The following PKHD1 variants were observed in gnomAD, a reference collection of about 807,000 sequenced individuals.
PKHD1 encodes the protein PKHD1 ciliary IPT domain containing fibrocystin/polyductin, also known as fibrocystin.
PKHD1 carries 291 observed loss-of-function variants against 412.0 expected under a neutral mutation model. The ratio of observed to expected loss-of-function variants is 0.71; its 90% CI spans 0.64 to 0.78. PKHD1 has a LOEUF of 0.78. Ranked by LOEUF, PKHD1 falls within the 30% of genes least tolerant of loss-of-function variation. The pLI, the probability that PKHD1 is intolerant of heterozygous loss-of-function variation, is 0.00. For synonymous variants in PKHD1, 1,777 were observed against 1,821.5 expected, an observed-to-expected ratio of 0.98 and a Z score of 0.62; for missense variants, 4,825 against 4,950.7, an observed-to-expected ratio of 0.97 and a Z score of 0.76.
At chr6:51,637,634 G>C (rs1186382137) in intron 64 of PKHD1, among the ~76,000 whole-genome samples, 1 of 151,702 alleles carries the variant, frequency 6.6e-6, no homozygotes, top group Non-Finnish European at 1.5e-5. Context: ...GGCTGGGCGT[G>C]GTGACTGATG....
Position 51,616,775 on chromosome 6 carries a change from T to C in PKHD1, c.*2306A>G. 1 of 398,182 alleles carries C rather than the reference T, an allele frequency of 2.5e-6. No individual in the cohort carries two copies. Among genetic ancestry groups the C allele is most frequent in the Non-Finnish European group, 4.4e-6 (1 of 225,792 alleles). The allele number at this position is 398,182 out of a possible 1,614,324, so 24.7% of individuals were successfully genotyped here. A position where few individuals can be genotyped will look rare whatever the true frequency, so the allele number is the denominator to read the frequency against. ...GATAAAACATGCCTCCCAGAAAGACTGGTCTTGTGACACATAGAGGATAAA... is the reference window on the plus strand; with the variant it reads ...GATAAAACATGCCTCCCAGAAAGACCGGTCTTGTGACACATAGAGGATAAA... On this transcript the variant is annotated 3_prime_UTR_variant, in exon 67 of 67. Transcript: ENST00000371117.
At chr6:51,761,495 T>C (rs1261468731) in intron 55 of PKHD1, among the ~76,000 whole-genome samples, 3 of 152,004 alleles carry the variant, frequency 2.0e-5, no homozygotes, top group African/African-American at 2.4e-5. Flanking sequence ...CTCAGTTAGA[T>C]AGGAAGAATA....
intron 60 of PKHD1, among the ~76,000 whole-genome samples, chr6:51,702,626 A>G (rs1181857256): frequency 6.6e-6 from 1 of 151,972 alleles, no homozygotes; most frequent in African/African-American, 2.4e-5. Context: ...ACTAATTAAA[A>G]TATAATACAA....
chr6:51,721,783 G>C (rs527679818), intron 60 of PKHD1: 12 of 1,427,960 alleles, frequency 8.4e-6, no homozygotes, highest in South Asian at 7.8e-5. Context: ...CCTCTCTTTT[G>C]TATTTCTTTG....
At chr6:51,807,308 C>T (rs1763917612) in intron 52 of PKHD1, among the ~76,000 whole-genome samples, 1 of 151,418 alleles carries the variant, frequency 6.6e-6, no homozygotes, top group Non-Finnish European at 1.5e-5. Context: ...CATGGTGGCT[C>T]ATTCCTGTAA....
At chr6:51,824,451 G>T (rs1172673790) in intron 52 of PKHD1, among the ~76,000 whole-genome samples, 1 of 152,104 alleles carries the variant, frequency 6.6e-6, no homozygotes, top group Non-Finnish European at 1.5e-5. Context: ...CCTTCCAGTG[G>T]TGAGGACACG....
chr6:51,658,479 C>T (rs898660161), intron 61 of PKHD1, among the ~76,000 whole-genome samples: 9 of 152,186 alleles, frequency 5.9e-5, no homozygotes, highest in Admixed American at 4.6e-4. Flanking sequence ...ATTCCACATT[C>T]ACTGGAGATG....
intron 35 of PKHD1, among the ~76,000 whole-genome samples, chr6:51,967,582 T>C (rs1262432663): frequency 6.6e-6 from 1 of 152,180 alleles, no homozygotes; most frequent in East Asian, 1.9e-4. Flanking sequence ...CATTTTTTAG[T>C]ACACAATAAG....
chr6:51,677,892 T>C (rs1260882805), intron 60 of PKHD1, among the ~76,000 whole-genome samples: 3 of 152,160 alleles, frequency 2.0e-5, no homozygotes, highest in Non-Finnish European at 4.4e-5. Flanking sequence ...TTACTTTTAT[T>C]AGTAGAAATC....
At chr6:51,640,861 A>T (rs1313621275) in intron 63 of PKHD1, among the ~76,000 whole-genome samples, 1 of 152,198 alleles carries the variant, frequency 6.6e-6, no homozygotes, top group African/African-American at 2.4e-5. Flanking sequence ...TTGAGTATAT[A>T]AATTCACTTT....
chr6:51,973,506 C>T lies in PKHD1; in HGVS notation c.5752-13480G>A, dbSNP rs747893429. Among the ~76,000 whole-genome samples, 27 of 152,292 alleles carry T rather than the reference C, an allele frequency of 1.8e-4. No individual in the cohort carries two copies. The South Asian group carries it at 1.9e-3, about 11-fold the overall frequency. On this transcript the variant is annotated intron_variant, in intron 35 of 66. Coordinates refer to ENST00000371117, the MANE Select transcript of PKHD1 (RefSeq NM_138694.4). ...GAATCTTTGGTGAATACTAAGCAAT[C>T]CACAGGCACAGTTTTTTCCCAGGAA...
intron 50 of PKHD1, among the ~76,000 whole-genome samples, chr6:51,844,241 A>G (rs1770751950): frequency 6.6e-6 from 1 of 152,194 alleles, no homozygotes; most frequent in Non-Finnish European, 1.5e-5. Context: ...TGAGGCATGG[A>G]GCAATTATAA....
intron 45 of PKHD1, among the ~76,000 whole-genome samples, chr6:51,884,426 G>C (rs1777881475): frequency 6.6e-6 from 1 of 152,030 alleles, no homozygotes; most frequent in Non-Finnish European, 1.5e-5. Flanking sequence ...GATTATTGTT[G>C]CTTTGTAGCA....
In PKHD1 at chr6:52,012,532, G is replaced by A. The variant is rs370215264; in HGVS notation, c.5601-2073C>T. Among the ~76,000 whole-genome samples, 11 of 152,248 alleles carry A rather than the reference G, an allele frequency of 7.2e-5. No homozygotes were observed. The South Asian group carries it at 8.3e-4, about 12-fold the overall frequency. On this transcript the variant is annotated intron_variant, in intron 34 of 66. Transcript: ENST00000371117. ...ATCCTTTGCTCCTGGAGCATCAGTC[G>A]TATTCCAAGATTCAGAAAGGAAAAG...
chr6:52,036,027 G>C (rs1337716201), intron 27 of PKHD1, among the ~76,000 whole-genome samples: 2 of 152,146 alleles, frequency 1.3e-5, no homozygotes, highest in Non-Finnish European at 2.9e-5. Context: ...TCCTGGCCTA[G>C]ATTTTGAATA....
At chr6:51,712,997 A>T (rs1357558082) in intron 60 of PKHD1, among the ~76,000 whole-genome samples, 1 of 152,202 alleles carries the variant, frequency 6.6e-6, no homozygotes, top group Non-Finnish European at 1.5e-5. Context: ...ATGTATCTCC[A>T]GCTGAGAGGT....
At chr6:51,934,346 C>T (rs1401585287) in intron 36 of PKHD1, 24 bp from the exon 37 acceptor site, 1 of 1,514,458 alleles carries the variant, frequency 6.6e-7, no homozygotes, top group Non-Finnish European at 9.2e-7. Context: ...GGAAAATTGT[C>T]AGTCCCTGGG....
At chr6:51,882,240 A>T (rs1427797509) in intron 46 of PKHD1, among the ~76,000 whole-genome samples, 3 of 152,184 alleles carry the variant, frequency 2.0e-5, no homozygotes, top group Non-Finnish European at 2.9e-5. Context: ...TCAAGGTGGT[A>T]ATCCTTTTAG....
intron 36 of PKHD1, among the ~76,000 whole-genome samples, chr6:51,948,938 G>A (rs548098681): frequency 6.6e-6 from 1 of 152,290 alleles, no homozygotes; most frequent in East Asian, 1.9e-4. Context: ...TTTTTAGGAA[G>A]ATCAAGAGAG....
Sources: allele counts gnomAD v4.1 joint callset (sites outside exome capture counted in the v4.1 genomes callset), GRCh38; gene constraint gnomAD v4.1.1; transcripts MANE v1.5; gene names NCBI Gene and HGNC (gene_info 2026-07-23, HGNC 2026-07-21).